MPHOSPH8: variants seen among roughly 807,000 people sequenced by gnomAD.
MPHOSPH8 encodes the protein M-phase phosphoprotein, mpp.
In MPHOSPH8, 45 loss-of-function variants were observed where a neutral mutation model predicts 87.3. The observed-to-expected ratio is 0.52, with a 90% CI of 0.41 to 0.66. The LOEUF (loss-of-function observed/expected upper bound fraction) is 0.66, where lower values mean the gene tolerates loss of function less well. Among genes scored for constraint, MPHOSPH8 ranks in the 30% least tolerant of loss-of-function variants. MPHOSPH8 has a pLI of 0.00. For synonymous variants in MPHOSPH8, 366 were observed against 376.9 expected (o/e 0.97, Z 0.33); for missense variants, 883 against 1,020.2 (o/e 0.87, Z 1.83).
At position 19,672,315 on chromosome 13, in the gene MPHOSPH8, T is replaced by C. The variant is rs1311756410; in HGVS notation, c.*440T>C. 1 of 166,118 alleles carries C rather than the reference T, an allele frequency of 6.0e-6. No individual in the cohort carries two copies. The highest frequency in any genetic ancestry group is 1.3e-5 in the Non-Finnish European group (1 of 76,024). 10.3% of individuals were successfully genotyped at this position (166,118 alleles called of 1,614,324 possible). On this transcript the variant is annotated 3_prime_UTR_variant, in exon 14 of 14. Coordinates refer to ENST00000361479, the MANE Select transcript of MPHOSPH8 (RefSeq NM_017520.4). ...ACCCGCCATGGCACCCAGCTAATTT[T>C]GTATTTTTAGTAGAGATGGGGTTTA...
In MPHOSPH8 at chr13:19,646,894, T is replaced by G. The variant is rs759481103; in HGVS notation, c.821T>G (p.Phe274Cys). ...TCAAGTGTACTTAATGATTCTCCCTTTCCAGAGGATGACAGTGAAGGGCTA... is the reference window on the plus strand; with the variant it reads ...TCAAGTGTACTTAATGATTCTCCCTGTCCAGAGGATGACAGTGAAGGGCTA... ...SESSVLNDSPFPEDDSEGLHS... is the reference protein window; with the variant it reads ...SESSVLNDSPCPEDDSEGLHS... Residue 274 changes from phenylalanine (F) to cysteine (C), a missense_variant, in exon 3 of 14, where the codon TTT (phenylalanine) becomes TGT (cysteine). Physicochemically the swap from Phe to Cys is radical, Grantham distance 205. Transcript: ENST00000361479. 2 of 1,603,504 alleles carry G rather than the reference T, an allele frequency of 1.2e-6. No homozygotes were observed. Among genetic ancestry groups the G allele is most frequent in the Non-Finnish European group, 1.7e-6 (2 of 1,177,704 alleles).
At position 19,669,074 on chromosome 13, in the gene MPHOSPH8, C is replaced by T. The variant is rs564730472; in HGVS notation, c.2329+543C>T. On this transcript the variant is annotated intron_variant, in intron 11 of 13. Transcript: ENST00000361479. ...TTTTTTTGCTTAGAAACTCCTGTTC[C>T]CCATTTTGTAAATGGTTTGTATTCA... is the stretch of plus-strand genomic sequence containing the variant. Among the ~76,000 whole-genome samples the T allele has an allele frequency of 3.3e-5, 5 of 152,226 alleles. No homozygotes were observed. In the South Asian group the frequency reaches 1.0e-3, roughly 32 times the overall value.
chr13:19,665,559 GTCTC>G (rs1875767477), intron 9 of MPHOSPH8, among the ~76,000 whole-genome samples: 2 of 152,124 alleles, frequency 1.3e-5, no homozygotes, highest in Non-Finnish European at 2.9e-5. Flanking sequence ...AACCAGAAAG[GTCTC>G]AGGCATTGCC....
chr13:19,666,485 AAT>A lies in MPHOSPH8; in HGVS notation c.2083_2084del (p.Ile695PhefsTer7). On this transcript the variant is annotated frameshift_variant, in exon 10 of 14. Transcript: ENST00000361479. LOFTEE classifies it high-confidence loss of function. The part of the protein sequence containing the change: ...RLVIECGADC[N>X]ILSKHQNSAL... ...CGTAATTGAATGTGGAGCTGACTGC[AAT>A]ATTTTGTCAAAGCACCAGAATAGTG... 6 of 1,611,986 alleles carry A rather than the reference AAT, an allele frequency of 3.7e-6. No homozygotes were observed. The highest frequency in any genetic ancestry group is 5.1e-6 in the Non-Finnish European group (6 of 1,178,150).
chr13:19,643,445 C>G (rs1400873643), intron 2 of MPHOSPH8, among the ~76,000 whole-genome samples: 1 of 152,134 alleles, frequency 6.6e-6, no homozygotes, highest in East Asian at 1.9e-4. Context: ...CAGGGTCTCT[C>G]TCTATTGATC....
chr13:19,673,157 T>C lies in MPHOSPH8; in HGVS notation c.*1282T>C, dbSNP rs1876250080. ...TTGTTTTGAACACCGACTGGGAAGA[T>C]GGGGCTTAGGTAACAGCCAAACCTG... On this transcript the variant is annotated 3_prime_UTR_variant, in exon 14 of 14. Coordinates refer to ENST00000361479, the MANE Select transcript of MPHOSPH8 (RefSeq NM_017520.4). 2.2e-6 allele frequency: 1 copy of C among 453,250 alleles called. No homozygotes were observed. Among genetic ancestry groups the C allele is most frequent in the East Asian group, 7.0e-5 (1 of 14,316 alleles). 28.1% of individuals were successfully genotyped at this position (453,250 alleles called of 1,614,324 possible). A position where few individuals can be genotyped will look rare whatever the true frequency, so the allele number is the denominator to read the frequency against.
At chr13:19,657,660 G>T (rs1173019540) in intron 5 of MPHOSPH8, among the ~76,000 whole-genome samples, 1 of 152,144 alleles carries the variant, frequency 6.6e-6, no homozygotes, top group Non-Finnish European at 1.5e-5. Context: ...AGTTTGCTTT[G>T]TTAGAGACCA....
rs1197132792 is a variant in MPHOSPH8, at chr13:19,668,438, G to A, written c.2236G>A (p.Glu746Lys). 6.2e-7 allele frequency: 1 copy of A among 1,614,072 alleles called. No homozygotes were observed. The highest frequency in any genetic ancestry group is 1.1e-5 in the South Asian group (1 of 91,074). Residue 746 changes from glutamate to lysine, a missense_variant, in exon 11 of 14, where the codon GAA becomes AAA. Physicochemically the swap from Glu to Lys is moderately conservative, Grantham distance 56 (BLOSUM62 1). This residue lies in a region of MPHOSPH8 where 741 missense variants were observed against 841.5 expected (regional missense o/e 0.88). Transcript: ENST00000361479. Reference sequence around the variant, plus strand: ...CTTTGAAGCTCGCCTTGCTCTGCTAGAACCAGTTTTTCCAATCGCATGTCA... The same window carrying A: ...CTTTGAAGCTCGCCTTGCTCTGCTAAAACCAGTTTTTCCAATCGCATGTCA... The part of the protein sequence containing the change: ...DYFEARLALL[E>K]PVFPIACHRL...
In MPHOSPH8 at chr13:19,650,270, G is replaced by C; in HGVS notation, c.1576+10G>C. 1 of 1,607,914 alleles carries C rather than the reference G, an allele frequency of 6.2e-7. No homozygotes were observed. The highest frequency in any genetic ancestry group is 8.5e-7 in the Non-Finnish European group (1 of 1,176,606). ...GCAGATGAGAATTCAGGTGAGTTTG[G>C]AATCATTTTGCAGAATTTTTCAAGG... On this transcript the variant is annotated intron_variant, in intron 5 of 13. Transcript: ENST00000361479.
At chr13:19,663,370 G>A (rs565778958) in intron 9 of MPHOSPH8, among the ~76,000 whole-genome samples, 2 of 152,304 alleles carry the variant, frequency 1.3e-5, no homozygotes, top group South Asian at 2.1e-4. Flanking sequence ...GAAGTGCTCC[G>A]AGCTGGGCCC....
chr13:19,672,128 T>A lies in MPHOSPH8; in HGVS notation c.*253T>A, dbSNP rs562040959. 2.3e-6 allele frequency: 1 copy of A among 432,450 alleles called. No individual in the cohort carries two copies. Among genetic ancestry groups the A allele is most frequent in the South Asian group, 5.5e-5 (1 of 18,062 alleles). 26.8% of individuals were successfully genotyped at this position (432,450 alleles called of 1,614,324 possible). ...GTGGATAGTACATATGAGGATTATTTAAGAAAATTAAAGACTTCACTTTCT... is the reference window on the plus strand; with the variant it reads ...GTGGATAGTACATATGAGGATTATTAAAGAAAATTAAAGACTTCACTTTCT... On this transcript the variant is annotated 3_prime_UTR_variant, in exon 14 of 14. Coordinates refer to ENST00000361479, the MANE Select transcript of MPHOSPH8 (RefSeq NM_017520.4).
chr13:19,659,273 A>G lies in MPHOSPH8; in HGVS notation c.1775A>G (p.Tyr592Cys). 6.2e-7 allele frequency: 1 copy of G among 1,609,356 alleles called. No homozygotes were observed. The highest frequency in any genetic ancestry group is 8.5e-7 in the Non-Finnish European group (1 of 1,177,822). Residue 592 changes from tyrosine (Y) to cysteine (C), a missense_variant, in exon 7 of 14, where the codon TAT becomes TGT. By Grantham distance (194) the Tyr-to-Cys change is radical (BLOSUM62 -2). Around this residue, in one of 3 missense-constraint regions of MPHOSPH8, gnomAD observed 741 missense variants for 841.5 expected, o/e 0.88. Transcript: ENST00000361479. ...GTTGCACTTAATTCAAATGAAGAAT[A>G]TAACCTGGACCAAGAGGTAATATGT... ...VKVALNSNEE[Y>C]NLDQEDSSGM... is the part of the protein sequence containing the mutation.
intron 7 of MPHOSPH8, 98 bp downstream of exon 7, chr13:19,659,387 G>T: frequency 5.8e-6 from 6 of 1,028,510 alleles, no homozygotes; most frequent in Non-Finnish European, 8.6e-6. Flanking sequence ...CAAAAGGCTG[G>T]GCGTGGTGGT....
rs1028922584 is a variant in MPHOSPH8 at position 19,672,825 on chromosome 13, C to T, written c.*950C>T. 3.4e-6 allele frequency: 1 copy of T among 296,160 alleles called. No individual in the cohort carries two copies. Among genetic ancestry groups the T allele is most frequent in the Non-Finnish European group, 6.7e-6 (1 of 149,228 alleles). 18.3% of individuals were successfully genotyped at this position (296,160 alleles called of 1,614,324 possible). On this transcript the variant is annotated 3_prime_UTR_variant, in exon 14 of 14. Transcript: ENST00000361479. ...TATTAAATGTGAACTTTTAGCAGAG[C>T]GTGGTGGCTCACACCTATAATCCCA... is the stretch of plus-strand genomic sequence containing the variant.
intron 11 of MPHOSPH8, 46 bp from the exon 12 acceptor site, chr13:19,670,190 C>T (rs771639453): frequency 1.5e-5 from 24 of 1,610,970 alleles, no homozygotes; most frequent in Non-Finnish European, 1.7e-5. Flanking sequence ...CCTCTGGGGA[C>T]TGAAGGTTGC....
At chr13:19,650,367 G>A (rs1032073411) in intron 5 of MPHOSPH8, 107 bp downstream of exon 5, 55 of 1,301,826 alleles carry the variant, frequency 4.2e-5, no homozygotes, top group Middle Eastern at 1.9e-4. Context: ...TAATGGAGTC[G>A]AAGAGTTTAT....
At chr13:19,654,479 AAAAG>A (rs1486221354) in intron 5 of MPHOSPH8, among the ~76,000 whole-genome samples, 1 of 152,234 alleles carries the variant, frequency 6.6e-6, no homozygotes, top group Admixed American at 6.5e-5. Flanking sequence ...AGTAATAAAA[AAAAG>A]AACGTGGAAT....
chr13:19,666,367 C>A, intron 9 of MPHOSPH8, 58 bp from the exon 10 acceptor site: 1 of 1,523,636 alleles, frequency 6.6e-7, no homozygotes, highest in Non-Finnish European at 9.0e-7. Flanking sequence ...GAGAAGGGAC[C>A]AGCACCCATG....
At position 19,649,894 on chromosome 13, in the gene MPHOSPH8, T is replaced by G. The variant is rs1374442183; in HGVS notation, c.1319-109T>G. The G allele has an allele frequency of 3.9e-6, 4 of 1,031,894 alleles. No homozygotes were observed. In the Admixed American group the frequency reaches 1.2e-4, roughly 30 times the overall value. The allele number at this position is 1,031,894 out of a possible 1,614,324, so 63.9% of individuals were successfully genotyped here. On this transcript the variant is annotated intron_variant, in intron 4 of 13. Coordinates refer to ENST00000361479, the MANE Select transcript of MPHOSPH8 (RefSeq NM_017520.4). ...GCTTTATAAGCAAGGTAGATGTTAGTAAAAATTAAGAAAATATCTTGTTGC... is the reference window on the plus strand; with the variant it reads ...GCTTTATAAGCAAGGTAGATGTTAGGAAAAATTAAGAAAATATCTTGTTGC...
Sources: gnomAD v4.1 joint callset for allele counts (sites outside exome capture counted in the v4.1 genomes callset) on GRCh38, gnomAD v4.1.1 for gene constraint, gnomAD v4.1.1 regional missense constraint, MANE v1.5 for transcripts, NCBI Gene and HGNC (gene_info 2026-07-23, HGNC 2026-07-21) for gene names.